RBM27: variants seen among roughly 807,000 people sequenced by gnomAD.
RBM27 encodes the protein RNA-binding protein 27.
Under a neutral mutation model 135.3 loss-of-function variants are expected in RBM27, and 22 were observed. The observed-to-expected ratio is 0.16, with a 90% CI of 0.12 to 0.23. RBM27 has a LOEUF of 0.23. Among genes scored for constraint, RBM27 ranks in the 10% least tolerant of loss-of-function variants. The pLI, the probability that RBM27 is intolerant of heterozygous loss-of-function variation, is 1.00. For missense variants in RBM27, 1,009 were observed against 1,281.0 expected, an observed-to-expected ratio of 0.79 and a Z score of 3.24; for synonymous variants, 481 against 442.4, an observed-to-expected ratio of 1.09 and a Z score of -1.10.
Position 146,253,623 on chromosome 5 carries a change from T to C in RBM27, c.1445-1320T>C, listed in dbSNP as rs751795637. Among the ~76,000 whole-genome samples, 119 of 152,128 alleles carry C rather than the reference T, an allele frequency of 7.8e-4. 1 individual carries two copies. Among genetic ancestry groups the C allele is most frequent in the Non-Finnish European group, 7.1e-4 (48 of 68,030 alleles). Reference sequence around the variant, plus strand: ...TGCCAACCAGCAGTTCTAGTTCTTATATTAGATATCTCAGAATCACCTGTG... The same window carrying C: ...TGCCAACCAGCAGTTCTAGTTCTTACATTAGATATCTCAGAATCACCTGTG... On this transcript the variant is annotated intron_variant, in intron 9 of 20. Coordinates refer to ENST00000265271, the MANE Select transcript of RBM27 (RefSeq NM_018989.2).
At chr5:146,260,022 G>A (rs369252289) in intron 11 of RBM27, among the ~76,000 whole-genome samples, 3 of 148,674 alleles carry the variant, frequency 2.0e-5, no homozygotes, top group Non-Finnish European at 3.0e-5. Context: ...AATGTTGGCC[G>A]GGCGTAGTGG....
At chr5:146,237,159 G>A (rs1420878141) in intron 7 of RBM27, 139 bp from the exon 8 acceptor site, 1 of 921,594 alleles carries the variant, frequency 1.1e-6, no homozygotes, top group African/African-American at 1.7e-5. Context: ...GGCTGGTCTC[G>A]AACTCCTGAC....
At chr5:146,256,012 T>C (rs1364269322) in intron 10 of RBM27, among the ~76,000 whole-genome samples, 1 of 151,462 alleles carries the variant, frequency 6.6e-6, no homozygotes, top group Admixed American at 6.6e-5. Context: ...TGTGCCACCA[T>C]GCCTGGCTAA....
chr5:146,258,553 G>A lies in RBM27; in HGVS notation c.1699G>A (p.Gly567Ser). 1.3e-6 allele frequency: 2 copies of A among 1,583,648 alleles called. No individual in the cohort carries two copies. The highest frequency in any genetic ancestry group is 1.2e-5 in the South Asian group (1 of 86,042). ...EPDSRKRAMS[G>S]LEGPLTKKPW... Reference sequence around the variant, plus strand: ...AGATAGTCGAAAAAGAGCTATGAGTGGTTTGGAAGGGCCACTCACAAAGAA... The same window carrying A: ...AGATAGTCGAAAAAGAGCTATGAGTAGTTTGGAAGGGCCACTCACAAAGAA... Residue 567 changes from glycine (G) to serine (S), a missense_variant, in exon 11 of 21, where the codon GGT (glycine) becomes AGT (serine). Physicochemically the swap from Gly to Ser is moderately conservative, Grantham distance 56. Transcript: ENST00000265271.
intron 1 of RBM27, among the ~76,000 whole-genome samples, chr5:146,207,997 C>T (rs1241229043): frequency 7.8e-6 from 1 of 127,788 alleles, no homozygotes; most frequent in Non-Finnish European, 1.6e-5. Context: ...TGCTCTGTTG[C>T]CCAGGCTGGA....
intron 8 of RBM27, 80 bp from the exon 9 acceptor site, chr5:146,251,631 A>T: frequency 7.3e-7 from 1 of 1,366,538 alleles, no homozygotes; most frequent in Middle Eastern, 1.9e-4. Context: ...TTTTGGCTCA[A>T]AGTCTCAGGA....
chr5:146,285,823 T>C (rs2126929424), intron 20 of RBM27, 124 bp from the exon 21 acceptor site: 1 of 652,566 alleles, frequency 1.5e-6, no homozygotes, highest in Middle Eastern at 2.5e-4. Context: ...AAGATACTCT[T>C]GCATGCATCC....
rs916182587 is a variant in RBM27 at position 146,239,472 on chromosome 5, CTTTTTTTTTT to C, written c.1279+2054_1279+2063del. On this transcript the variant is annotated intron_variant, in intron 8 of 20. Coordinates refer to ENST00000265271, the MANE Select transcript of RBM27 (RefSeq NM_018989.2). The stretch of plus-strand genomic sequence containing the variant: ...CTAACTCCTTTTTTTTTTTCCTTTT[CTTTTTTTTTT>C]TTTTTTTTTTTTTGAGACAAAGTCT... Among the ~76,000 whole-genome samples the C allele has an allele frequency of 1.1e-4, 6 of 55,370 alleles. No individual in the cohort carries two copies. The East Asian group carries it at 1.5e-3, about 14-fold the overall frequency. The allele number at this position is 55,370 out of a possible 152,430, so 36.3% of individuals were successfully genotyped here.
chr5:146,214,115 C>G (rs534544588), intron 1 of RBM27, among the ~76,000 whole-genome samples: 1 of 152,328 alleles, frequency 6.6e-6, no homozygotes, highest in South Asian at 2.1e-4. Context: ...TTTAGTTCCA[C>G]AGATGTGCTG....
At chr5:146,269,175 T>G in intron 15 of RBM27, 32 bp from the exon 16 acceptor site, 1 of 1,494,290 alleles carries the variant, frequency 6.7e-7, no homozygotes, top group Admixed American at 1.8e-5. Flanking sequence ...CAAATTACAT[T>G]ATCTGTATTA....
chr5:146,231,740 C>T (rs1444937062), intron 6 of RBM27, among the ~76,000 whole-genome samples: 2 of 152,100 alleles, frequency 1.3e-5, no homozygotes, highest in African/African-American at 4.8e-5. Flanking sequence ...GCCTCAGCCT[C>T]CCAAGTAGCT....
intron 19 of RBM27, among the ~76,000 whole-genome samples, chr5:146,283,462 A>C (rs549609584): frequency 4.5e-4 from 68 of 152,216 alleles, no homozygotes; most frequent in African/African-American, 1.6e-3. Context: ...ACTTGGACCC[A>C]GGGAGTCGAG....
chr5:146,234,518 T>TC (rs1757077698), intron 7 of RBM27, among the ~76,000 whole-genome samples: 1 of 5,802 alleles, frequency 1.7e-4, no homozygotes, highest in Non-Finnish European at 5.7e-4. Flanking sequence ...TTTTTGTTAT[T>TC]TAAAAAAAAA....
chr5:146,280,781 A>G (rs1293744080), intron 19 of RBM27, among the ~76,000 whole-genome samples: 1 of 152,200 alleles, frequency 6.6e-6, no homozygotes, highest in Non-Finnish European at 1.5e-5. Flanking sequence ...AGATAGAAAT[A>G]AGGTGGTGCT....
At position 146,217,464 on chromosome 5, in the gene RBM27, G is replaced by GTTTTT. The variant is rs545963169; in HGVS notation, c.60-1498_60-1494dup. Among the ~76,000 whole-genome samples the GTTTTT allele has an allele frequency of 1.3e-3, 91 of 70,766 alleles. 15 individuals are homozygous for GTTTTT. Among genetic ancestry groups the GTTTTT allele is most frequent in the African/African-American group, 5.0e-3 (82 of 16,490 alleles). The allele number at this position is 70,766 out of a possible 152,430, so 46.4% of individuals were successfully genotyped here. A position where few individuals can be genotyped will look rare whatever the true frequency, so the allele number is the denominator to read the frequency against. ...GATTGATACTCTTGAGCTGAAGCCT[G>GTTTTT]TTTTTTTTTTTTTTTTTTTTTTTTT... On this transcript the variant is annotated intron_variant, in intron 1 of 20. Coordinates refer to ENST00000265271, the MANE Select transcript of RBM27 (RefSeq NM_018989.2).
Position 146,223,433 on chromosome 5 carries a change from A to G in RBM27, c.209A>G (p.Glu70Gly), listed in dbSNP as rs762314248. Reference protein sequence around the residue: ...ETSGFVDKLFESLYTKNYLPL... With the variant: ...ETSGFVDKLFGSLYTKNYLPL... ...TCAGGTTTTGTGGACAAACTATTTG[A>G]AAGTCTCTATACTAAGAACTACCTT... Residue 70 changes from glutamate to glycine, a missense_variant, in exon 3 of 21, where the codon GAA (glutamate) becomes GGA (glycine). By Grantham distance (98) the Glu-to-Gly change is moderately conservative. Around this residue, in one of 6 missense-constraint regions of RBM27, gnomAD observed 268 missense variants for 326.6 expected, o/e 0.82. Coordinates refer to ENST00000265271, the MANE Select transcript of RBM27 (RefSeq NM_018989.2). The G allele has an allele frequency of 6.2e-7, 1 of 1,605,244 alleles. No homozygotes were observed.
chr5:146,274,191 A>G (rs1220325719), intron 19 of RBM27, among the ~76,000 whole-genome samples: 1 of 139,096 alleles, frequency 7.2e-6, no homozygotes, highest in East Asian at 2.1e-4. Context: ...GCATTTCTCT[A>G]TTTTCCATAC....
chr5:146,218,696 T>C (rs1266601608), intron 1 of RBM27, among the ~76,000 whole-genome samples: 1 of 152,200 alleles, frequency 6.6e-6, no homozygotes, highest in Non-Finnish European at 1.5e-5. Context: ...GTTGCCACTC[T>C]TTGCCTGTTA....
At chr5:146,249,845 T>A (rs1393599873) in intron 8 of RBM27, among the ~76,000 whole-genome samples, 1 of 152,150 alleles carries the variant, frequency 6.6e-6, no homozygotes, top group East Asian at 1.9e-4. Flanking sequence ...GATGTACAGG[T>A]TTTTTACGTA....
Sources: allele counts gnomAD v4.1 joint callset (sites outside exome capture counted in the v4.1 genomes callset), GRCh38; gene constraint gnomAD v4.1.1; regional missense constraint gnomAD v4.1.1; transcripts MANE v1.5; gene names NCBI Gene and HGNC (gene_info 2026-07-23, HGNC 2026-07-21).